FRMPD1: variants seen among roughly 807,000 people sequenced by gnomAD.
The protein encoded by FRMPD1 is FERM and PDZ domain-containing protein 1.
FRMPD1 carries 76 observed loss-of-function variants against 117.8 expected under a neutral mutation model. The ratio of observed to expected loss-of-function variants is 0.65; its 90% CI spans 0.54 to 0.78. The LOEUF is 0.78. Among genes scored for constraint, FRMPD1 ranks in the 30% least tolerant of loss-of-function variants. The pLI is 0.00. For synonymous variants in FRMPD1, 783 were observed against 770.4 expected (o/e 1.02, Z -0.27); for missense variants, 1,786 against 1,964.5 (o/e 0.91, Z 1.72).
chr9:37,663,329 C>G (rs1055310162), intron 1 of FRMPD1, among the ~76,000 whole-genome samples: 1 of 152,072 alleles, frequency 6.6e-6, no homozygotes, highest in African/African-American at 2.4e-5. Context: ...TTGGAGGAGT[C>G]TGCATTGGAG....
chr9:37,711,456 C>T, intron 5 of FRMPD1, 61 bp downstream of exon 5: 6 of 1,229,698 alleles, frequency 4.9e-6, no homozygotes, highest in Middle Eastern at 1.9e-4. Context: ...AGACCCTGTT[C>T]CCCCAGAGGA....
intron 5 of FRMPD1, among the ~76,000 whole-genome samples, chr9:37,714,480 G>GC (rs1163355340): frequency 6.6e-6 from 1 of 152,174 alleles, no homozygotes; most frequent in Admixed American, 6.5e-5. Context: ...GGGAGAACTG[G>GC]CATTAGCCCA....
At chr9:37,631,504 C>T in the FRMPD1 span, among the ~76,000 whole-genome samples, 288 of 152,338 alleles carry the variant, frequency 1.9e-3, no homozygotes, top group African/African-American at 6.4e-3. Context: ...AAATAATTTT[C>T]TTAGCAGTAA....
intron 13 of FRMPD1, among the ~76,000 whole-genome samples, chr9:37,735,960 C>T (rs1426306046): frequency 6.6e-6 from 1 of 151,484 alleles, no homozygotes; most frequent in Non-Finnish European, 1.5e-5. Flanking sequence ...GGACCATGTG[C>T]TTTCCTGTTG....
Position 37,745,081 on chromosome 9 carries a change from A to G in FRMPD1, c.3049A>G (p.Ser1017Gly). Residue 1017 changes from serine (S) to glycine (G), a missense_variant, in exon 16 of 16, where the codon AGT becomes GGT. Transcript: ENST00000377765. ...EHGDSSFSLS[S>G]GDPNPDRACL... ...TGGAGACAGCTCCTTCTCCCTCTCC[A>G]GTGGTGACCCTAACCCAGACAGAGC... The G allele has an allele frequency of 4.3e-6, 7 of 1,614,158 alleles. No homozygotes were observed. The highest frequency in any genetic ancestry group is 5.1e-6 in the Non-Finnish European group (6 of 1,180,006).
rs539712434 is a variant in FRMPD1 at position 37,660,816 on chromosome 9, C to T, written c.-5+9722C>T. 3.9e-5 allele frequency among the ~76,000 whole-genome samples: 6 copies of T among 152,236 alleles called. No individual in the cohort carries two copies. The South Asian group carries it at 6.2e-4, about 16-fold the overall frequency. On this transcript the variant is annotated intron_variant, in intron 1 of 15. Coordinates refer to ENST00000377765, the MANE Select transcript of FRMPD1 (RefSeq NM_014907.3). ...GACTGTGAGCTTCCTGGGCAGGGAC[C>T]GAGCCTTGCTGCTCATTCAGTACGG...
At chr9:37,711,809 G>T (rs1467001759) in intron 5 of FRMPD1, among the ~76,000 whole-genome samples, 1 of 152,204 alleles carries the variant, frequency 6.6e-6, no homozygotes, top group African/African-American at 2.4e-5. Flanking sequence ...CAAATGAGAT[G>T]TTGGATATGA....
chr9:37,704,550 T>TTAAA (rs1268944546), intron 2 of FRMPD1, among the ~76,000 whole-genome samples: 4 of 152,112 alleles, frequency 2.6e-5, no homozygotes, highest in African/African-American at 4.8e-5. Flanking sequence ...TTCCCAGCTG[T>TTAAA]ATGACTTTAA....
At chr9:37,604,716 T>C in the FRMPD1 span, among the ~76,000 whole-genome samples, 569 of 152,308 alleles carry the variant, frequency 3.7e-3, 3 homozygotes, top group African/African-American at 0.013. Context: ...AGCGTGAAGA[T>C]GTGTGTCCTT....
At chr9:37,666,731 T>C (rs1184039861) in intron 1 of FRMPD1, among the ~76,000 whole-genome samples, 1 of 152,234 alleles carries the variant, frequency 6.6e-6, no homozygotes, top group Non-Finnish European at 1.5e-5. Flanking sequence ...CAGTGATTTA[T>C]GTGCACTCCT....
chr9:37,745,442 C>T lies in FRMPD1; in HGVS notation c.3410C>T (p.Pro1137Leu), dbSNP rs62640012. 1,280 of 1,613,784 alleles carry T rather than the reference C, an allele frequency of 7.9e-4. 15 individuals are homozygous for T. The African/African-American group carries it at 0.014, about 18-fold the overall frequency. The change falls in exon 16 of 16, where the codon CCG (proline) becomes CTG (leucine). Residue 1137 changes from proline (P) to leucine (L), a missense_variant. By Grantham distance (98) the Pro-to-Leu change is moderately conservative. Coordinates refer to ENST00000377765, the MANE Select transcript of FRMPD1 (RefSeq NM_014907.3). ...EESRKDSGDSPGDVSNNVSQT... is the reference protein window; with the variant it reads ...EESRKDSGDSLGDVSNNVSQT... ...TCTAGGAAGGATTCAGGTGACTCCC[C>T]GGGTGATGTGTCAAATAATGTTTCA...
intron 1 of FRMPD1, among the ~76,000 whole-genome samples, chr9:37,667,638 C>T (rs777060884): frequency 1.3e-5 from 2 of 150,754 alleles, no homozygotes; most frequent in Non-Finnish European, 2.9e-5. Flanking sequence ...GAGACGAGAT[C>T]GTGCCACTGC....
Position 37,669,348 on chromosome 9 carries a change from C to T in FRMPD1, c.-5+18254C>T, listed in dbSNP as rs138808049. Among the ~76,000 whole-genome samples, 802 of 152,246 alleles carry T rather than the reference C, an allele frequency of 5.3e-3. 5 individuals carry two copies. Among genetic ancestry groups the T allele is most frequent in the South Asian group, 0.017 (82 of 4,822 alleles). On this transcript the variant is annotated intron_variant, in intron 1 of 15. Coordinates refer to ENST00000377765, the MANE Select transcript of FRMPD1 (RefSeq NM_014907.3). ...AAGTATGGTCCCCACCTGTATTCTCCGAGAGCCTGTGAGAAATACGAACTC... is the reference window on the plus strand; with the variant it reads ...AAGTATGGTCCCCACCTGTATTCTCTGAGAGCCTGTGAGAAATACGAACTC...
At chr9:37,724,549 G>C (rs1389933849) in intron 7 of FRMPD1, among the ~76,000 whole-genome samples, 1 of 151,880 alleles carries the variant, frequency 6.6e-6, no homozygotes, top group Non-Finnish European at 1.5e-5. Flanking sequence ...GTGGGAATCG[G>C]GACTTAGAGA....
At chr9:37,720,594 A>T (rs901115614) in intron 6 of FRMPD1, among the ~76,000 whole-genome samples, 2 of 151,520 alleles carry the variant, frequency 1.3e-5, no homozygotes, top group African/African-American at 4.9e-5. Flanking sequence ...GCGTGAACCC[A>T]GGAGGTGGAG....
chr9:37,701,481 G>A (rs564489411), intron 2 of FRMPD1, among the ~76,000 whole-genome samples: 1 of 116,840 alleles, frequency 8.6e-6, no homozygotes, highest in South Asian at 2.7e-4. Flanking sequence ...TTGTGTGTGT[G>A]TGTGTGTGCG....
chr9:37,744,059 G>C (rs763495119), intron 15 of FRMPD1, among the ~76,000 whole-genome samples: 4 of 152,018 alleles, frequency 2.6e-5, no homozygotes, highest in Non-Finnish European at 4.4e-5. Context: ...CATGGTGGCA[G>C]ATGCCTGTAA....
At chr9:37,702,012 G>T (rs1822550763) in intron 2 of FRMPD1, among the ~76,000 whole-genome samples, 1 of 152,174 alleles carries the variant, frequency 6.6e-6, no homozygotes, top group Non-Finnish European at 1.5e-5. Context: ...TTGAGCAATT[G>T]TCATTATCCT....
chr9:37,669,367 C>T (rs920917993), intron 1 of FRMPD1, among the ~76,000 whole-genome samples: 2 of 152,130 alleles, frequency 1.3e-5, no homozygotes, highest in African/African-American at 2.4e-5. Context: ...GTGAGAAATA[C>T]GAACTCTCAG....
Sources: gnomAD v4.1 joint callset for allele counts (sites outside exome capture counted in the v4.1 genomes callset) on GRCh38, gnomAD v4.1.1 for gene constraint, MANE v1.5 for transcripts, NCBI Gene and HGNC (gene_info 2026-07-23, HGNC 2026-07-21) for gene names.